ZMYM5: variants seen among roughly 807,000 people sequenced by gnomAD.
ZMYM5 encodes the protein zinc finger MYM-type containing 5, also known as zinc finger MYM-type protein 5.
A neutral mutation model predicts 61.8 loss-of-function variants in ZMYM5; 41 were observed. The ratio of observed to expected loss-of-function variants is 0.66; its 90% confidence interval spans 0.52 to 0.86. ZMYM5 has a LOEUF of 0.86. Ranked by LOEUF, ZMYM5 falls within the 40% of genes least tolerant of loss-of-function variation. The pLI is 0.00. For synonymous variants in ZMYM5, 257 were observed against 276.4 expected (o/e 0.93, Z 0.70); for missense variants, 706 against 786.7 (o/e 0.90, Z 1.23).
In ZMYM5 at chr13:19,824,486, C is replaced by A; in HGVS notation, c.2001G>T (p.Leu667Phe). Reference sequence around the variant, plus strand: ...AAACAACTCAGGTATATTACGTGTACAACAACAGCACACCATCATTTTTCT... The same window carrying A: ...AAACAACTCAGGTATATTACGTGTAAAACAACAGCACACCATCATTTTTCT... ...ENEKNDGVLL[L>F]YT Residue 667 changes from leucine (L) to phenylalanine (F), a missense_variant, in exon 8 of 8, where the codon TTG becomes TTT. Transcript: ENST00000337963. The A allele has an allele frequency of 1.5e-6, 2 of 1,299,846 alleles. No homozygotes were observed. The highest frequency in any genetic ancestry group is 1.4e-5 in the South Asian group (1 of 73,276). 80.5% of individuals were successfully genotyped at this position (1,299,846 alleles called of 1,614,324 possible).
At chr13:19,860,371 T>C (rs1414593052) in intron 2 of ZMYM5, among the ~76,000 whole-genome samples, 2 of 148,826 alleles carry the variant, frequency 1.3e-5, no homozygotes, top group Non-Finnish European at 3.0e-5. Context: ...CGGCTCACCA[T>C]AACCTCTGCC....
Position 19,851,815 on chromosome 13 carries a change from TTCA to T in ZMYM5, c.363_365del (p.Asp121del), listed in dbSNP as rs1460232857. On this transcript the variant is annotated inframe_deletion, in exon 3 of 8. Transcript: ENST00000337963. ...CTCCTCCATTTGTTTCTATGTCCTC[TTCA>T]TCATCAATAACAATTGTCTCACTTA... is the stretch of plus-strand genomic sequence containing the variant. The T allele has an allele frequency of 1.9e-6, 3 of 1,613,012 alleles. No homozygotes were observed. In the Admixed American group the frequency reaches 5.0e-5, roughly 27 times the overall value.
chr13:19,829,208 C>T (rs35917265), intron 7 of ZMYM5, among the ~76,000 whole-genome samples: 8,403 of 152,226 alleles, frequency 0.055, 335 homozygotes, highest in Non-Finnish European at 0.082. Flanking sequence ...CCACCTCTAC[C>T]CATTTCCCCT....
At position 19,825,010 on chromosome 13, in the gene ZMYM5, T is replaced by C. The variant is rs1331275174; in HGVS notation, c.1477A>G (p.Thr493Ala). Reference sequence around the variant, plus strand: ...TGAAATGTATCAGCTATGGTTGACGTGGAAGAAGGAGGTAAATTCACATTC... The same window carrying C: ...TGAAATGTATCAGCTATGGTTGACGCGGAAGAAGGAGGTAAATTCACATTC... ...QENVNLPPSS[T>A]STIADTFQEQ... The change falls in exon 8 of 8, where the codon ACG becomes GCG. Residue 493 changes from threonine (T) to alanine (A), a missense_variant. Around this residue, in one of 2 missense-constraint regions of ZMYM5, gnomAD observed 226 missense variants for 325.0 expected, o/e 0.70. Transcript: ENST00000337963. 3 of 1,367,590 alleles carry C rather than the reference T, an allele frequency of 2.2e-6. No homozygotes were observed. Among genetic ancestry groups the C allele is most frequent in the South Asian group, 2.3e-5 (2 of 88,002 alleles). The allele number at this position is 1,367,590 out of a possible 1,614,324, so 84.7% of individuals were successfully genotyped here. A position where few individuals can be genotyped will look rare whatever the true frequency, so the allele number is the denominator to read the frequency against.
intron 2 of ZMYM5, among the ~76,000 whole-genome samples, chr13:19,856,975 G>A (rs1002107570): frequency 1.3e-5 from 2 of 151,578 alleles, no homozygotes; most frequent in Non-Finnish European, 2.9e-5. Context: ...GTGTGGTGGT[G>A]GGCGCCTGTA....
intron 7 of ZMYM5, among the ~76,000 whole-genome samples, chr13:19,833,240 A>AAT: frequency 6.6e-6 from 1 of 152,360 alleles, no homozygotes; most frequent in East Asian, 1.9e-4. Context: ...GAAGCTAACC[A>AAT]ATTAAATTCT....
chr13:19,835,741 T>A, intron 6 of ZMYM5, 52 bp from the exon 7 acceptor site: 1 of 1,270,476 alleles, frequency 7.9e-7, no homozygotes, highest in Non-Finnish European at 1.1e-6. Context: ...CAGATTAGCA[T>A]AGCAAGCAAT....
chr13:19,840,929 G>T lies in ZMYM5; in HGVS notation c.587-1944C>A, dbSNP rs568772385. The stretch of plus-strand genomic sequence containing the variant: ...CCTGACCTCATGATCCACCCGCCTT[G>T]GCCCCCCAAAGTGCTGGGATTACAG... On this transcript the variant is annotated intron_variant, in intron 4 of 7. Coordinates refer to ENST00000337963, the MANE Select transcript of ZMYM5 (RefSeq NM_001142684.2). Among the ~76,000 whole-genome samples, 198 of 150,766 alleles carry T rather than the reference G, an allele frequency of 1.3e-3. 1 individual carries two copies. The highest frequency in any genetic ancestry group is 4.7e-3 in the African/African-American group (192 of 41,068).
intron 4 of ZMYM5, 97 bp downstream of exon 4, chr13:19,851,258 A>C (rs1306749866): frequency 1.6e-5 from 19 of 1,152,278 alleles, no homozygotes; most frequent in Non-Finnish European, 2.4e-5. Context: ...AAAAAAGCAA[A>C]GCCACAGAAT....
chr13:19,862,633 G>A (rs867728150), intron 1 of ZMYM5, among the ~76,000 whole-genome samples, 167 bp from the exon 2 acceptor site: 1 of 152,232 alleles, frequency 6.6e-6, no homozygotes, highest in Middle Eastern at 3.4e-3. Flanking sequence ...AGAACTATAG[G>A]AACCGCAACG....
At position 19,837,799 on chromosome 13, in the gene ZMYM5, T is replaced by C; in HGVS notation, c.895A>G (p.Asn299Asp). Reference sequence around the variant, plus strand: ...CTTGATTCTACTGGAAGAATGACATTAGCCTTCTTTGTAGATGCATCTCTG... The same window carrying C: ...CTTGATTCTACTGGAAGAATGACATCAGCCTTCTTTGTAGATGCATCTCTG... Reference protein sequence around the residue: ...CKKDASTKKANVILPVESSKS... With the variant: ...CKKDASTKKADVILPVESSKS... The change falls in exon 6 of 8, where the codon AAT (asparagine) becomes GAT (aspartate). Residue 299 changes from asparagine to aspartate, a missense_variant. Asn to Asp is a conservative substitution (Grantham distance 23, BLOSUM62 1). Around this residue, in one of 2 missense-constraint regions of ZMYM5, gnomAD observed 480 missense variants for 461.7 expected, o/e 1.04. Transcript: ENST00000337963. 6.3e-7 allele frequency: 1 copy of C among 1,591,704 alleles called. No homozygotes were observed. The highest frequency in any genetic ancestry group is 1.2e-5 in the South Asian group (1 of 85,454).
Position 19,824,483 on chromosome 13 carries a change from G to GTA in ZMYM5, c.2002_2003dup (p.Ter670ArgfsTer32), listed in dbSNP as rs1477460902. 1 of 1,298,170 alleles carries GTA rather than the reference G, an allele frequency of 7.7e-7. No individual in the cohort carries two copies. The highest frequency in any genetic ancestry group is 1.0e-6 in the Non-Finnish European group (1 of 995,450). 80.4% of individuals were successfully genotyped at this position (1,298,170 alleles called of 1,614,324 possible). ...AAAAAACAACTCAGGTATATTACGT[G>GTA]TACAACAACAGCACACCATCATTTT... On this transcript the variant is annotated frameshift_variant, in exon 8 of 8. Transcript: ENST00000337963. LOFTEE classifies it high-confidence loss of function.
intron 7 of ZMYM5, among the ~76,000 whole-genome samples, chr13:19,830,839 CTTTTTTTTT>C (rs1160103759): frequency 3.9e-5 from 5 of 129,588 alleles, no homozygotes; most frequent in African/African-American, 8.7e-5. Flanking sequence ...GTTACTTTTT[CTTTTTTTTT>C]TTTTTTTTTG....
At chr13:19,859,290 T>C (rs184879709) in intron 2 of ZMYM5, among the ~76,000 whole-genome samples, 13 of 152,314 alleles carry the variant, frequency 8.5e-5, no homozygotes, top group Non-Finnish European at 1.2e-4. Flanking sequence ...CCTAAAAATA[T>C]TAACCTATGG....
intron 3 of ZMYM5, 97 bp downstream of exon 3, chr13:19,851,592 C>T (rs1953298607): frequency 6.4e-7 from 1 of 1,551,030 alleles, no homozygotes; most frequent in African/African-American, 1.4e-5. Context: ...CCAGCATTCA[C>T]AGAGCTTATA....
intron 7 of ZMYM5, among the ~76,000 whole-genome samples, chr13:19,831,561 C>T (rs1037575863): frequency 5.9e-5 from 9 of 151,558 alleles, no homozygotes; most frequent in African/African-American, 2.2e-4. Context: ...CTTTGGGAGC[C>T]GAGGCAGGCA....
intron 7 of ZMYM5, among the ~76,000 whole-genome samples, chr13:19,834,707 T>C (rs1265951735): frequency 2.6e-5 from 4 of 152,098 alleles, no homozygotes; most frequent in Non-Finnish European, 5.9e-5. Flanking sequence ...TTTCTTTTTT[T>C]TGAGACAGAG....
intron 4 of ZMYM5, among the ~76,000 whole-genome samples, chr13:19,849,688 G>C (rs975454021): frequency 6.6e-6 from 1 of 151,906 alleles, no homozygotes; most frequent in African/African-American, 2.4e-5. Flanking sequence ...TAAAAATAAG[G>C]AAAAAAGTTG....
rs527291401 is a variant in ZMYM5, at chr13:19,850,813, A to G, written c.586+542T>C. On this transcript the variant is annotated intron_variant, in intron 4 of 7. Transcript: ENST00000337963. ...GAAGGTAAAGTATTTCAATTAAAATATTTTAGATGTAAATCTTACTGGATA... is the reference window on the plus strand; with the variant it reads ...GAAGGTAAAGTATTTCAATTAAAATGTTTTAGATGTAAATCTTACTGGATA... Among the ~76,000 whole-genome samples, 12 of 152,322 alleles carry G rather than the reference A, an allele frequency of 7.9e-5. No individual in the cohort carries two copies. In the East Asian group the frequency reaches 1.9e-3, roughly 24 times the overall value.
Sources: gnomAD v4.1 joint callset for allele counts (sites outside exome capture counted in the v4.1 genomes callset) on GRCh38, gnomAD v4.1.1 for gene constraint, gnomAD v4.1.1 regional missense constraint, MANE v1.5 for transcripts, NCBI Gene and HGNC (gene_info 2026-07-23, HGNC 2026-07-21) for gene names.